ARID1B: variants seen among roughly 807,000 people sequenced by gnomAD.
ARID1B encodes AT-rich interactive domain-containing protein 1B.
Under a neutral mutation model 212.3 loss-of-function variants are expected in ARID1B, and 30 were observed. That is an observed-to-expected ratio of 0.14 (90% confidence interval 0.11 to 0.19). The LOEUF is 0.19. ARID1B is among the 10% of genes least tolerant of loss of function. The pLI is 1.00. For synonymous variants in ARID1B, 1,402 were observed against 1,301.7 expected (o/e 1.08, Z -1.66); for missense variants, 2,891 against 3,204.0 (o/e 0.90, Z 2.36).
chr6:157,131,104 T>G (rs1163288093), intron 6 of ARID1B, among the ~76,000 whole-genome samples: 1 of 152,208 alleles, frequency 6.6e-6, no homozygotes, highest in Non-Finnish European at 1.5e-5. Flanking sequence ...TTTATCCATT[T>G]GAATCATCTA....
At chr6:157,040,217 C>T (rs1468304516) in intron 4 of ARID1B, among the ~76,000 whole-genome samples, 3 of 152,184 alleles carry the variant, frequency 2.0e-5, no homozygotes, top group South Asian at 4.1e-4. Context: ...GGATTACAGG[C>T]GCAAGCCACT....
chr6:157,145,105 T>G (rs936349419), intron 7 of ARID1B, among the ~76,000 whole-genome samples: 1 of 152,162 alleles, frequency 6.6e-6, no homozygotes, highest in African/African-American at 2.4e-5. Flanking sequence ...GATCTGTTGT[T>G]GTGCTCTCTG....
chr6:156,985,233 C>T (rs1204557580), intron 4 of ARID1B: 1 of 152,148 alleles, frequency 6.6e-6, no homozygotes, highest in East Asian at 1.9e-4. Flanking sequence ...CTGTTAAAAT[C>T]ACTCAAAATG....
chr6:156,927,649 A>T (rs928953387), intron 3 of ARID1B, among the ~76,000 whole-genome samples: 6 of 152,218 alleles, frequency 3.9e-5, no homozygotes, highest in African/African-American at 1.4e-4. Flanking sequence ...GTTCTGTAGC[A>T]CATTTACCAG....
At chr6:157,186,159 C>G in intron 13 of ARID1B, 1 of 257,620 alleles carries the variant, frequency 3.9e-6, no homozygotes. Context: ...AATAGCTCTC[C>G]CAGTGTGCAT....
intron 2 of ARID1B, among the ~76,000 whole-genome samples, chr6:156,841,387 A>G (rs1330430677): frequency 6.6e-6 from 1 of 152,214 alleles, no homozygotes; most frequent in Non-Finnish European, 1.5e-5. Flanking sequence ...CTTAAAAATC[A>G]TCCCTGTGTG....
At chr6:156,875,623 T>G (rs1362035631) in intron 2 of ARID1B, among the ~76,000 whole-genome samples, 2 of 152,238 alleles carry the variant, frequency 1.3e-5, no homozygotes. Context: ...AAAATAAAGA[T>G]GCGAGTCTCT....
chr6:156,900,931 A>G (rs1788875329), intron 2 of ARID1B, among the ~76,000 whole-genome samples: 1 of 152,206 alleles, frequency 6.6e-6, no homozygotes, highest in Non-Finnish European at 1.5e-5. Flanking sequence ...TTCATTCTGA[A>G]CTTAGAAACA....
rs372726215 is a variant in ARID1B at position 156,778,181 on chromosome 6, C to G, written c.501C>G (p.His167Gln). The change falls in exon 1 of 20, where the codon CAC becomes CAG. Residue 167 changes from histidine to glutamine, a missense_variant. This residue lies in a region of ARID1B where 1,643 missense variants were observed against 1,544.0 expected (regional missense o/e 1.06). Coordinates refer to ENST00000636930, the MANE Select transcript of ARID1B (RefSeq NM_001374828.1). Reference protein sequence around the residue: ...EAPAAPPHQQHHHHHHAHHHH... With the variant: ...EAPAAPPHQQQHHHHHAHHHH... ...CCGCCGCGCCGCCCCACCAGCAGCA[C>G]CACCACCACCACCATGCCCACCACC... The G allele has an allele frequency of 6.9e-5, 105 of 1,532,236 alleles. No individual in the cohort carries two copies. The African/African-American group carries it at 7.8e-4, about 11-fold the overall frequency. The allele number at this position is 1,532,236 out of a possible 1,614,324, so 94.9% of individuals were successfully genotyped here.
chr6:156,853,577 A>G (rs1784720545), intron 2 of ARID1B, among the ~76,000 whole-genome samples: 1 of 150,566 alleles, frequency 6.6e-6, no homozygotes, highest in Non-Finnish European at 1.5e-5. Context: ...TGATTCCTCC[A>G]TCTGCCAGCA....
At chr6:156,814,987 T>G (rs1781861983) in intron 1 of ARID1B, among the ~76,000 whole-genome samples, 1 of 152,182 alleles carries the variant, frequency 6.6e-6, no homozygotes, top group Admixed American at 6.5e-5. Flanking sequence ...AGCAAGAAAT[T>G]CAATATAAAA....
chr6:156,847,801 GA>G (rs1784326949), intron 2 of ARID1B, among the ~76,000 whole-genome samples: 1 of 152,184 alleles, frequency 6.6e-6, no homozygotes, highest in South Asian at 2.1e-4. Flanking sequence ...AGTTCGAAAA[GA>G]AATTTCTGAC....
intron 4 of ARID1B, among the ~76,000 whole-genome samples, chr6:157,061,980 A>G (rs983733139): frequency 6.6e-6 from 1 of 152,168 alleles, no homozygotes; most frequent in Non-Finnish European, 1.5e-5. Context: ...GCTAATAACC[A>G]CTGAGTTTGC....
intron 1 of ARID1B, chr6:156,780,586 C>T (rs998933423): frequency 6.6e-6 from 1 of 152,318 alleles, no homozygotes; most frequent in African/African-American, 2.4e-5. Context: ...GGGCATTTAG[C>T]ACTGCTGATG....
At chr6:157,136,958 G>A (rs1044239079) in intron 7 of ARID1B, among the ~76,000 whole-genome samples, 2 of 147,444 alleles carry the variant, frequency 1.4e-5, no homozygotes, top group African/African-American at 5.0e-5. Flanking sequence ...CAGGCCGATC[G>A]CTTGAGCCCA....
intron 4 of ARID1B, chr6:156,938,599 C>A (rs1456208893): frequency 6.6e-6 from 1 of 152,070 alleles, no homozygotes; most frequent in Non-Finnish European, 1.5e-5. Context: ...TATGTAATGA[C>A]GATGACAAGA....
rs867454218 is a variant in ARID1B, at chr6:156,778,529, C to T, written c.849C>T (p.Tyr283=). 8.1e-6 allele frequency: 10 copies of T among 1,231,874 alleles called. No homozygotes were observed. Among genetic ancestry groups the T allele is most frequent in the African/African-American group, 1.6e-5 (1 of 63,340 alleles). The allele number at this position is 1,231,874 out of a possible 1,614,324, so 76.3% of individuals were successfully genotyped here. ...TGGGGGAGCCGGCGGGCGGCCGCTA[C>T]GAGCACCCGGGCTTGGGCGCCCTGG... The part of the protein sequence containing the change: ...PKMGEPAGGR[Y]EHPGLGALGT... Residue 283 remains tyrosine (Y), a synonymous_variant, in exon 1 of 20, where the codon TAC becomes TAT. Coordinates refer to ENST00000636930, the MANE Select transcript of ARID1B (RefSeq NM_001374828.1).
intron 3 of ARID1B, 167 bp downstream of exon 3, chr6:156,901,692 C>G: frequency 1.1e-6 from 1 of 886,294 alleles, no homozygotes. Context: ...CTCCCTCCGT[C>G]TTTTCCCCTT....
At chr6:156,862,918 A>T (rs12212399) in intron 2 of ARID1B, among the ~76,000 whole-genome samples, 41,576 of 152,130 alleles carry the variant, frequency 0.27, 5,795 homozygotes, top group Non-Finnish European at 0.31. Context: ...GTCATTTAAA[A>T]ACAAAAGGCA....
Sources: gnomAD v4.1 joint callset for allele counts (sites outside exome capture counted in the v4.1 genomes callset) on GRCh38, gnomAD v4.1.1 for gene constraint, gnomAD v4.1.1 regional missense constraint, MANE v1.5 for transcripts, NCBI Gene and HGNC (gene_info 2026-07-23, HGNC 2026-07-21) for gene names.